ERCC6L2: variants seen among roughly 807,000 people sequenced by gnomAD.
ERCC6L2 encodes the protein ERCC excision repair 6 like 2.
Under a neutral mutation model 132.0 loss-of-function variants are expected in ERCC6L2, and 77 were observed. That is an observed-to-expected ratio of 0.58 (90% CI 0.49 to 0.71). The LOEUF (loss-of-function observed/expected upper bound fraction) is 0.71. Ranked by LOEUF, ERCC6L2 falls within the 30% of genes least tolerant of loss-of-function variation. The pLI, the probability that ERCC6L2 is intolerant of heterozygous loss-of-function variation, is 0.00. For synonymous variants in ERCC6L2, 583 were observed against 632.4 expected, an observed-to-expected ratio of 0.92 and a Z score of 1.17; for missense variants, 1,542 against 1,837.6, an observed-to-expected ratio of 0.84 and a Z score of 2.94.
chr9:96,032,578 TC>T (rs1469342299), intron 19 of ERCC6L2, among the ~76,000 whole-genome samples: 3 of 152,108 alleles, frequency 2.0e-5, no homozygotes, highest in African/African-American at 4.8e-5. Flanking sequence ...TTGGTGGGTG[TC>T]CTCCAGGAGC....
intron 2 of ERCC6L2, among the ~76,000 whole-genome samples, chr9:95,882,627 C>T (rs1054565448): frequency 2.7e-5 from 4 of 150,820 alleles, no homozygotes; most frequent in Non-Finnish European, 5.9e-5. Flanking sequence ...TATAAATAGC[C>T]AAATTTCAGA....
In ERCC6L2 at chr9:96,012,212, A is replaced by G; in HGVS notation, c.3675-13A>G. The G allele has an allele frequency of 8.1e-7, 1 of 1,228,160 alleles. No homozygotes were observed. Among genetic ancestry groups the G allele is most frequent in the African/African-American group, 1.6e-5 (1 of 63,408 alleles). 76.1% of individuals were successfully genotyped at this position (1,228,160 alleles called of 1,614,324 possible). ...ATGAAAATAACCACTAGTTTTGTTCATTTAATCTTTAGAAAACAATTTGAA... is the reference window on the plus strand; with the variant it reads ...ATGAAAATAACCACTAGTTTTGTTCGTTTAATCTTTAGAAAACAATTTGAA... On this transcript the variant is annotated splice_polypyrimidine_tract_variant and intron_variant, in intron 18 of 18. Transcript: ENST00000653738.
intron 6 of ERCC6L2, chr9:95,918,398 G>C: frequency 2.6e-6 from 1 of 380,428 alleles, no homozygotes. Flanking sequence ...CCGCTGCCTT[G>C]AGAGAGATAC....
chr9:96,000,614 A>G (rs145586116), intron 17 of ERCC6L2, among the ~76,000 whole-genome samples: 115 of 152,308 alleles, frequency 7.6e-4, no homozygotes, highest in African/African-American at 2.6e-3. Context: ...CATTGAATGT[A>G]TCACCGCTTC....
In ERCC6L2 at chr9:96,004,535, G is replaced by C. The variant is rs1833797157; in HGVS notation, c.3508G>C (p.Val1170Leu). The change falls in exon 18 of 19, where the codon GTG becomes CTG. Residue 1170 changes from valine to leucine, a missense_variant. By Grantham distance (32) the Val-to-Leu change is conservative (BLOSUM62 1). Around this residue, in one of 4 missense-constraint regions of ERCC6L2, gnomAD observed 442 missense variants for 583.4 expected, o/e 0.76. Transcript: ENST00000653738. Reference protein sequence around the residue: ...VCSSKTYKEKVDADTLPHTKK... With the variant: ...VCSSKTYKEKLDADTLPHTKK... ...TTTTTTTCAGACATATAAAGAAAAA[G>C]TGGATGCAGATACATTGCCACACAC... The C allele has an allele frequency of 1.5e-6, 2 of 1,304,296 alleles. No homozygotes were observed. Among genetic ancestry groups the C allele is most frequent in the Middle Eastern group, 2.1e-4 (1 of 4,708 alleles). The allele number at this position is 1,304,296 out of a possible 1,614,324, so 80.8% of individuals were successfully genotyped here. A position where few individuals can be genotyped will look rare whatever the true frequency, so the allele number is the denominator to read the frequency against.
intron 12 of ERCC6L2, among the ~76,000 whole-genome samples, chr9:95,955,102 A>G (rs138165382): frequency 1.6e-3 from 250 of 152,280 alleles, no homozygotes; most frequent in African/African-American, 5.7e-3. Flanking sequence ...AAGCCTCCAT[A>G]TGAGAGAAGC....
In ERCC6L2 at chr9:96,013,325, T is replaced by A. The variant is rs374011370; in HGVS notation, c.*122T>A. ...CATATATTTTTATTAAATTATTGCTTTAGGATTTTTTGAAGTCTAAAGTAT... is the reference window on the plus strand; with the variant it reads ...CATATATTTTTATTAAATTATTGCTATAGGATTTTTTGAAGTCTAAAGTAT... On this transcript the variant is annotated 3_prime_UTR_variant, in exon 19 of 19. Coordinates refer to ENST00000653738, the MANE Select transcript of ERCC6L2 (RefSeq NM_020207.7). The A allele has an allele frequency of 8.9e-6, 8 of 901,552 alleles. No individual in the cohort carries two copies. The African/African-American group carries it at 1.2e-4, about 14-fold the overall frequency. 55.8% of individuals were successfully genotyped at this position (901,552 alleles called of 1,614,324 possible).
intron 19 of ERCC6L2, among the ~76,000 whole-genome samples, chr9:96,033,265 G>A (rs1053074155): frequency 6.8e-6 from 1 of 147,744 alleles, no homozygotes; most frequent in Non-Finnish European, 1.5e-5. Context: ...TTTTTTTTGA[G>A]ACGGAGTTTT....
rs902795242 is a variant in ERCC6L2, at chr9:95,970,628, AG to A, written c.2156del (p.Gly719AspfsTer50). ...ATGACAGCCACAACATGGTTGAAAG[AG>A]GGACCTCCAGCACACAAACTGGAAA... ...GIMTATTWLKEGPPAHKLEMP... is the reference protein window; with the variant it reads ...GIMTATTWLKXGPPAHKLEMP... On this transcript the variant is annotated frameshift_variant, in exon 15 of 19. Coordinates refer to ENST00000653738, the MANE Select transcript of ERCC6L2 (RefSeq NM_020207.7). LOFTEE classifies it high-confidence loss of function. The A allele has an allele frequency of 4.7e-5, 61 of 1,303,820 alleles. No individual in the cohort carries two copies. Among genetic ancestry groups the A allele is most frequent in the Non-Finnish European group, 5.6e-5 (55 of 988,684 alleles). The allele number at this position is 1,303,820 out of a possible 1,614,324, so 80.8% of individuals were successfully genotyped here.
chr9:96,024,574 AT>A (rs1205216884), intron 19 of ERCC6L2, among the ~76,000 whole-genome samples: 4 of 152,052 alleles, frequency 2.6e-5, no homozygotes, highest in African/African-American at 7.2e-5. Flanking sequence ...TGTCCCTTGG[AT>A]TTCCCAGGGA....
At chr9:95,900,595 A>G (rs536425971) in intron 3 of ERCC6L2, among the ~76,000 whole-genome samples, 15 of 152,224 alleles carry the variant, frequency 9.9e-5, no homozygotes, top group Non-Finnish European at 1.8e-4. Context: ...ACCCTTTTTG[A>G]CAATTCTAGT....
intron 11 of ERCC6L2, among the ~76,000 whole-genome samples, chr9:95,938,016 A>G (rs1830632928): frequency 6.6e-6 from 1 of 151,492 alleles, no homozygotes. Flanking sequence ...TTTGTGTTAC[A>G]TTATTATTTA....
At chr9:96,034,981 T>C (rs1406449990) in intron 19 of ERCC6L2, among the ~76,000 whole-genome samples, 1 of 152,148 alleles carries the variant, frequency 6.6e-6, no homozygotes, top group African/African-American at 2.4e-5. Context: ...ACAGTTGCTA[T>C]TGCCCTCCCA....
intron 16 of ERCC6L2, among the ~76,000 whole-genome samples, chr9:95,976,792 T>C (rs1832690610): frequency 6.6e-6 from 1 of 152,174 alleles, no homozygotes; most frequent in Non-Finnish European, 1.5e-5. Flanking sequence ...AGAGTTAGCA[T>C]TGCCTTCACA....
intron 2 of ERCC6L2, among the ~76,000 whole-genome samples, chr9:95,897,441 G>A (rs1587861858): frequency 6.6e-6 from 1 of 152,108 alleles, no homozygotes; most frequent in Non-Finnish European, 1.5e-5. Context: ...AAATAGAAGT[G>A]TACAAATTTA....
At chr9:95,907,857 C>CCCCACA (rs1554741232) in intron 4 of ERCC6L2, among the ~76,000 whole-genome samples, 1 of 133,740 alleles carries the variant, frequency 7.5e-6, no homozygotes, top group Non-Finnish European at 1.6e-5. Flanking sequence ...ACACACACAC[C>CCCCACA]CCCACACCCA....
rs113394934 is a variant in ERCC6L2 at position 96,004,629 on chromosome 9, A to T, written c.3602A>T (p.Gln1201Leu). The T allele has an allele frequency of 4.5e-6, 6 of 1,328,068 alleles. No homozygotes were observed. In the African/African-American group the frequency reaches 7.5e-5, roughly 17 times the overall value. The allele number at this position is 1,328,068 out of a possible 1,614,324, so 82.3% of individuals were successfully genotyped here. A position where few individuals can be genotyped will look rare whatever the true frequency, so the allele number is the denominator to read the frequency against. Residue 1201 changes from glutamine (Q) to leucine (L), a missense_variant, in exon 18 of 19, where the codon CAG (glutamine) becomes CTG (leucine). By Grantham distance (113) the Gln-to-Leu change is moderately radical (BLOSUM62 -2). Around this residue, in one of 4 missense-constraint regions of ERCC6L2, gnomAD observed 442 missense variants for 583.4 expected, o/e 0.76. Coordinates refer to ENST00000653738, the MANE Select transcript of ERCC6L2 (RefSeq NM_020207.7). Reference protein sequence around the residue: ...LPLYISNPVNQKKKKVYHTNQ... With the variant: ...LPLYISNPVNLKKKKVYHTNQ... ...CTTTACATTTCAAATCCTGTAAACC[A>T]GAAGAAGAAAAAAGTCTACCATACA...
downstream of ERCC6L2, among the ~76,000 whole-genome samples, chr9:96,022,656 T>C (rs1401432973): frequency 2.0e-5 from 3 of 151,678 alleles, no homozygotes; most frequent in Non-Finnish European, 2.9e-5. Flanking sequence ...CGGCAGCGAG[T>C]GTCTGTTAAT....
chr9:96,010,653 A>G (rs144144242), intron 18 of ERCC6L2, among the ~76,000 whole-genome samples: 459 of 152,160 alleles, frequency 3.0e-3, no homozygotes, highest in African/African-American at 0.011. Context: ...CACCCTTTCT[A>G]TCCACCTTGC....
Sources: gnomAD v4.1 joint callset for allele counts (sites outside exome capture counted in the v4.1 genomes callset) on GRCh38, gnomAD v4.1.1 for gene constraint, gnomAD v4.1.1 regional missense constraint, MANE v1.5 for transcripts, NCBI Gene and HGNC (gene_info 2026-07-23, HGNC 2026-07-21) for gene names.